FHAD1: variants seen among roughly 807,000 people sequenced by gnomAD.
FHAD1 encodes the protein forkhead associated phosphopeptide binding domain 1.
In FHAD1, 146 loss-of-function variants were observed where a neutral mutation model predicts 191.3. That is an observed-to-expected ratio of 0.76 (90% confidence interval 0.67 to 0.88). The LOEUF (loss-of-function observed/expected upper bound fraction) is 0.88. FHAD1 is among the 40% of genes least tolerant of loss of function. The pLI is 0.00. For synonymous variants in FHAD1, 616 were observed against 672.3 expected (o/e 0.92, Z 1.29); for missense variants, 1,635 against 1,785.8 (o/e 0.92, Z 1.52).
intron 6 of FHAD1, among the ~76,000 whole-genome samples, chr1:15,308,374 G>T (rs1671198941): frequency 6.6e-6 from 1 of 152,184 alleles, no homozygotes; most frequent in African/African-American, 2.4e-5. Flanking sequence ...TGGCAGCCAG[G>T]CCTGGGCCCC....
chr1:15,402,955 G>A (rs375407662), downstream of FHAD1: 10 of 152,182 alleles, frequency 6.6e-5, no homozygotes, highest in African/African-American at 2.2e-4. Context: ...AGAGCAGCAT[G>A]ATATGTAAAT....
Position 15,380,279 on chromosome 1 carries a change from G to T in FHAD1, c.3706-422G>T, listed in dbSNP as rs536277205. Among the ~76,000 whole-genome samples, 15 of 152,272 alleles carry T rather than the reference G, an allele frequency of 9.9e-5. No individual in the cohort carries two copies. The South Asian group carries it at 3.1e-3, about 32-fold the overall frequency. On this transcript the variant is annotated intron_variant, in intron 28 of 33. Transcript: ENST00000688493. ...AGGGCCCCACAATCTGGCGTGGTTTGTGGGGGCATGTGTGGATGTCTAGTA... is the reference window on the plus strand; with the variant it reads ...AGGGCCCCACAATCTGGCGTGGTTTTTGGGGGCATGTGTGGATGTCTAGTA...
At chr1:15,307,734 CTT>C (rs1173045025) in intron 6 of FHAD1, among the ~76,000 whole-genome samples, 11 of 145,410 alleles carry the variant, frequency 7.6e-5, no homozygotes, top group Admixed American at 6.9e-5. Flanking sequence ...ACCTCTTTCT[CTT>C]TTTTTTTTTT....
chr1:15,380,498 CA>C (rs1265820125), intron 28 of FHAD1, among the ~76,000 whole-genome samples: 1 of 152,184 alleles, frequency 6.6e-6, no homozygotes, highest in African/African-American at 2.4e-5. Flanking sequence ...ACAGAGACTT[CA>C]AAGACAGAGT....
chr1:15,344,949 C>T (rs1395260291), intron 16 of FHAD1, 134 bp from the exon 17 acceptor site: 5 of 683,598 alleles, frequency 7.3e-6, no homozygotes, highest in Non-Finnish European at 1.3e-5. Flanking sequence ...GCTCTGAGCT[C>T]CTAGGCTCTG....
intron 33 of FHAD1, among the ~76,000 whole-genome samples, chr1:15,393,426 A>G (rs867009507): frequency 1.1e-4 from 14 of 126,614 alleles, no homozygotes; most frequent in African/African-American, 2.4e-4. Flanking sequence ...ACACACACAC[A>G]CACGCACACA....
At chr1:15,300,933 G>A (rs1333221727) in intron 5 of FHAD1, among the ~76,000 whole-genome samples, 2 of 152,026 alleles carry the variant, frequency 1.3e-5, no homozygotes, top group African/African-American at 4.8e-5. Context: ...GGGTTCAAGC[G>A]ATTCTCCTGC....
rs1372031478 is a variant in FHAD1 at position 15,303,238 on chromosome 1, C to A, written c.915+1797C>A. Among the ~76,000 whole-genome samples the A allele has an allele frequency of 2.6e-5, 4 of 152,186 alleles. No individual in the cohort carries two copies. In the South Asian group the frequency reaches 6.2e-4, roughly 24 times the overall value. On this transcript the variant is annotated intron_variant, in intron 6 of 33. Coordinates refer to ENST00000688493, the MANE Select transcript of FHAD1 (RefSeq NM_001391957.1). ...ATTGAGGCAGTGACCCTCCTTCAGA[C>A]CTGTTTTTGAAAGAGCAATGAAAGG... is the stretch of plus-strand genomic sequence containing the variant.
Position 15,358,139 on chromosome 1 carries a change from C to G in FHAD1, c.2592C>G (p.Asp864Glu), listed in dbSNP as rs539774929. The change falls in exon 21 of 34, where the codon GAC (aspartate) becomes GAG (glutamate). Residue 864 changes from aspartate (D) to glutamate (E), a missense_variant. By Grantham distance (45) the Asp-to-Glu change is conservative. Coordinates refer to ENST00000688493, the MANE Select transcript of FHAD1 (RefSeq NM_001391957.1). ...TAGAATTAAAAGAGCAAAAAGAGGA[C>G]GTTTTAAATAATAAATTAAGTGACG... Reference protein sequence around the residue: ...EELELKEQKEDVLNNKLSDAL... With the variant: ...EELELKEQKEEVLNNKLSDAL... 4 of 1,511,334 alleles carry G rather than the reference C, an allele frequency of 2.6e-6. No individual in the cohort carries two copies. In the South Asian group the frequency reaches 3.9e-5, roughly 15 times the overall value. The allele number at this position is 1,511,334 out of a possible 1,614,324, so 93.6% of individuals were successfully genotyped here. A position where few individuals can be genotyped will look rare whatever the true frequency, so the allele number is the denominator to read the frequency against.
At chr1:15,308,356 G>A (rs1671190409) in intron 6 of FHAD1, among the ~76,000 whole-genome samples, 1 of 152,168 alleles carries the variant, frequency 6.6e-6, no homozygotes, top group Admixed American at 6.5e-5. Context: ...GAAACCAGGT[G>A]TCCCCAGTGG....
At chr1:15,355,276 A>T (rs577623296) in intron 20 of FHAD1, among the ~76,000 whole-genome samples, 6 of 152,036 alleles carry the variant, frequency 3.9e-5, no homozygotes, top group Non-Finnish European at 8.8e-5. Context: ...ATTACCCTAG[A>T]CAAGCAGGAA....
At chr1:15,339,347 A>C in intron 14 of FHAD1, 134 bp from the exon 15 acceptor site, 2 of 379,554 alleles carry the variant, frequency 5.3e-6, no homozygotes, top group South Asian at 4.4e-5. Context: ...GCTGCTTATC[A>C]ACTACTTTAA....
intron 32 of FHAD1, 55 bp downstream of exon 32, chr1:15,388,186 G>T (rs1223313961): frequency 1.8e-6 from 2 of 1,129,100 alleles, no homozygotes; most frequent in South Asian, 1.3e-5. Flanking sequence ...CTCAACTGGG[G>T]GTAAGAGCTC....
At chr1:15,357,971 A>G (rs1042630906) in intron 20 of FHAD1, 139 bp from the exon 21 acceptor site, 84 of 622,958 alleles carry the variant, frequency 1.3e-4, no homozygotes, top group Non-Finnish European at 1.4e-4. Context: ...CAGAGAAGGC[A>G]TGGACTTTGT....
chr1:15,368,225 C>T (rs1353705084), intron 25 of FHAD1, among the ~76,000 whole-genome samples: 1 of 152,070 alleles, frequency 6.6e-6, no homozygotes, highest in African/African-American at 2.4e-5. Context: ...TCACCCACCT[C>T]GGCCTCCCAA....
chr1:15,258,774 G>A (rs906675683), intron 2 of FHAD1, among the ~76,000 whole-genome samples: 2 of 151,736 alleles, frequency 1.3e-5, no homozygotes, highest in African/African-American at 2.4e-5. Context: ...TTTTAATAGA[G>A]ACTGGGTTTC....
chr1:15,342,434 A>G (rs1193528942), intron 16 of FHAD1, among the ~76,000 whole-genome samples: 2 of 152,188 alleles, frequency 1.3e-5, no homozygotes, highest in Non-Finnish European at 1.5e-5. Flanking sequence ...TACATTTTCA[A>G]CAAGCTCCCA....
intron 31 of FHAD1, among the ~76,000 whole-genome samples, chr1:15,385,894 A>C (rs1479341237): frequency 1.3e-5 from 2 of 152,246 alleles, no homozygotes; most frequent in South Asian, 4.1e-4. Context: ...CCTCGTGGTC[A>C]TCAGCCTCCT....
intron 11 of FHAD1, 180 bp from the exon 12 acceptor site, chr1:15,326,879 T>C (rs941984635): frequency 3.6e-5 from 21 of 576,680 alleles, no homozygotes; most frequent in Non-Finnish European, 5.7e-5. Flanking sequence ...CCTGCTGTTC[T>C]CTTTTCTTCT....
Sources: gnomAD v4.1 joint callset for allele counts (sites outside exome capture counted in the v4.1 genomes callset) on GRCh38, gnomAD v4.1.1 for gene constraint, MANE v1.5 for transcripts, NCBI Gene and HGNC (gene_info 2026-07-23, HGNC 2026-07-21) for gene names.